The following TOMM70 variants were observed in gnomAD, a reference collection of about 807,000 sequenced individuals.
TOMM70 encodes translocase of outer mitochondrial membrane 70.
In TOMM70, 13 loss-of-function variants were observed where a neutral mutation model predicts 73.6. That is an observed-to-expected ratio of 0.18 (90% CI 0.11 to 0.28). The LOEUF is 0.28. TOMM70 is among the 10% of genes least tolerant of loss of function. The pLI is 1.00. For missense variants in TOMM70, 609 were observed against 747.5 expected, an observed-to-expected ratio of 0.81 and a Z score of 2.16; for synonymous variants, 257 against 271.2, an observed-to-expected ratio of 0.95 and a Z score of 0.51.
intron 6 of TOMM70, 70 bp downstream of exon 6, chr3:100,377,635 A>C: frequency 6.7e-7 from 1 of 1,492,744 alleles, no homozygotes; most frequent in Non-Finnish European, 9.1e-7. Flanking sequence ...GCTTTAAAAA[A>C]TCTGGCAAAA....
At chr3:100,397,612 CA>C (rs1706838926) in intron 1 of TOMM70, among the ~76,000 whole-genome samples, 1 of 152,208 alleles carries the variant, frequency 6.6e-6, no homozygotes, top group African/African-American at 2.4e-5. Context: ...TATTTGTGGT[CA>C]GGGGCAGTGG....
intron 4 of TOMM70, among the ~76,000 whole-genome samples, 197 bp downstream of exon 4, chr3:100,384,282 G>A (rs1019164872): frequency 2.0e-5 from 3 of 152,222 alleles, no homozygotes; most frequent in African/African-American, 7.2e-5. Context: ...TCCAGGTAGA[G>A]TAATGGACAG....
chr3:100,384,435 A>T, intron 4 of TOMM70, 44 bp downstream of exon 4: 4 of 1,372,636 alleles, frequency 2.9e-6, no homozygotes, highest in Non-Finnish European at 4.0e-6. Context: ...TACCCTTCAC[A>T]ATGTACACAG....
chr3:100,398,209 C>T (rs1706846954), intron 1 of TOMM70, among the ~76,000 whole-genome samples: 1 of 151,810 alleles, frequency 6.6e-6, no homozygotes, highest in Non-Finnish European at 1.5e-5. Context: ...CCAGGCAAAA[C>T]CTTGTCTCTA....
chr3:100,381,757 C>A lies in TOMM70; in HGVS notation c.742G>T (p.Glu248Ter). The A allele has an allele frequency of 6.3e-7, 1 of 1,595,116 alleles. No homozygotes were observed. The highest frequency in any genetic ancestry group is 1.1e-5 in the South Asian group (1 of 87,750). Residue 248 changes from glutamate to a stop codon, truncating the protein, a stop_gained, in exon 5 of 12, where the codon GAA (glutamate) becomes TAA (stop). Coordinates refer to ENST00000284320, the MANE Select transcript of TOMM70 (RefSeq NM_014820.5). LOFTEE classifies it high-confidence loss of function. ...AACTGTGGAGATGGCATCAGAGGTT[C>A]ACGATTCTGAAATTTAGTCATGTTT... Reference protein sequence around the residue: ...EKAKEKYKNREPLMPSPQFIK... With the variant: ...EKAKEKYKNR
intron 1 of TOMM70, among the ~76,000 whole-genome samples, chr3:100,392,686 G>A (rs1337954688): frequency 6.6e-6 from 1 of 151,892 alleles, no homozygotes; most frequent in Non-Finnish European, 1.5e-5. Flanking sequence ...CCAAAGTGTT[G>A]GGATTACAGG....
intron 4 of TOMM70, 134 bp from the exon 5 acceptor site, chr3:100,381,897 G>C (rs1255028850): frequency 2.2e-6 from 2 of 912,826 alleles, no homozygotes; most frequent in Non-Finnish European, 3.1e-6. Context: ...TAAGCTCCAA[G>C]CCACAGAACA....
intron 6 of TOMM70, among the ~76,000 whole-genome samples, chr3:100,376,057 CTTA>C (rs1706560375): frequency 6.6e-6 from 1 of 152,070 alleles, no homozygotes; most frequent in Non-Finnish European, 1.5e-5. Context: ...TTATTAGAGC[CTTA>C]TTGTCTTTTT....
chr3:100,391,489 A>G (rs1706761227), intron 1 of TOMM70, among the ~76,000 whole-genome samples: 3 of 152,212 alleles, frequency 2.0e-5, no homozygotes, highest in African/African-American at 7.2e-5. Context: ...GTTTTTAACA[A>G]AGAAGTTTAA....
At chr3:100,395,092 A>T (rs1387996233) in intron 1 of TOMM70, among the ~76,000 whole-genome samples, 1 of 152,192 alleles carries the variant, frequency 6.6e-6, no homozygotes, top group Non-Finnish European at 1.5e-5. Context: ...ATTTACGGCC[A>T]GGCGCGGTGG....
At chr3:100,366,713 A>G (rs1274947321) in intron 11 of TOMM70, among the ~76,000 whole-genome samples, 1 of 152,218 alleles carries the variant, frequency 6.6e-6, no homozygotes, top group African/African-American at 2.4e-5. Context: ...GGATTTTTTC[A>G]AAGTTCAATT....
chr3:100,370,236 ATTTAC>A (rs1706494671), intron 9 of TOMM70, among the ~76,000 whole-genome samples: 1 of 152,040 alleles, frequency 6.6e-6, no homozygotes, highest in Non-Finnish European at 1.5e-5. Context: ...TTCTATCTCT[ATTTAC>A]TTCCCTATTT....
intron 11 of TOMM70, 70 bp downstream of exon 11, chr3:100,367,974 A>T: frequency 6.8e-7 from 1 of 1,467,578 alleles, no homozygotes; most frequent in Non-Finnish European, 9.3e-7. Flanking sequence ...TTTAACATGT[A>T]CGTAATAAGA....
At chr3:100,373,786 A>G in intron 7 of TOMM70, 141 bp from the exon 8 acceptor site, 1 of 523,340 alleles carries the variant, frequency 1.9e-6, no homozygotes, top group Non-Finnish European at 3.2e-6. Flanking sequence ...AGAAACAGTG[A>G]TTTAAAAATC....
intron 3 of TOMM70, 101 bp downstream of exon 3, chr3:100,386,117 A>C (rs1433865700): frequency 1.5e-6 from 2 of 1,369,284 alleles, no homozygotes; most frequent in Non-Finnish European, 2.0e-6. Flanking sequence ...CAACTTTTAA[A>C]AACAACTGAT....
At chr3:100,378,081 T>C (rs952069564) in intron 5 of TOMM70, among the ~76,000 whole-genome samples, 169 bp from the exon 6 acceptor site, 3 of 151,844 alleles carry the variant, frequency 2.0e-5, no homozygotes, top group African/African-American at 7.3e-5. Context: ...CCGTCTCTAC[T>C]AAAAATACAA....
At chr3:100,377,967 C>T in intron 5 of TOMM70, 55 bp from the exon 6 acceptor site, 2 of 1,522,636 alleles carry the variant, frequency 1.3e-6, no homozygotes, top group Non-Finnish European at 1.8e-6. Context: ...TTAAATGTGG[C>T]TGGGTGTGGT....
At chr3:100,371,132 C>T (rs1706505362) in intron 9 of TOMM70, among the ~76,000 whole-genome samples, 2 of 152,140 alleles carry the variant, frequency 1.3e-5, no homozygotes, top group South Asian at 2.1e-4. Context: ...TAGTTCCACC[C>T]TCAATAAACC....
chr3:100,396,192 CAG>C lies in TOMM70; in HGVS notation c.324+4432_324+4433del, dbSNP rs1304836331. On this transcript the variant is annotated intron_variant, in intron 1 of 11. Transcript: ENST00000284320. ...TTGATTTTTTAAAAATGACTCAAAA[CAG>C]ATCATTTGGGGGAGAGAATGACTTC... Among the ~76,000 whole-genome samples, 2 of 152,008 alleles carry C rather than the reference CAG, an allele frequency of 1.3e-5. 1 individual carries two copies. Among genetic ancestry groups the C allele is most frequent in the South Asian group, 4.2e-4 (2 of 4,816 alleles).
Sources: gnomAD v4.1 joint callset for allele counts (sites outside exome capture counted in the v4.1 genomes callset) on GRCh38, gnomAD v4.1.1 for gene constraint, MANE v1.5 for transcripts, NCBI Gene and HGNC (gene_info 2026-07-23, HGNC 2026-07-21) for gene names.